The following CCT2 variants were observed in gnomAD, a reference collection of about 807,000 sequenced individuals.
CCT2 encodes T-complex protein 1 subunit beta.
A neutral mutation model predicts 61.8 loss-of-function variants in CCT2; 18 were observed. That is an observed-to-expected ratio of 0.29 (90% CI 0.20 to 0.43). The LOEUF is 0.43. Among genes scored for constraint, CCT2 ranks in the 20% least tolerant of loss-of-function variants. The probability of loss-of-function intolerance (pLI) is 1.00; values close to 1 mark genes in which losing one functional copy is unlikely to be tolerated. For missense variants in CCT2, 556 were observed against 656.9 expected (o/e 0.85, Z 1.68); for synonymous variants, 248 against 215.9 (o/e 1.15, Z -1.30).
intron 8 of CCT2, 39 bp from the exon 9 acceptor site, chr12:69,592,937 A>T: frequency 6.3e-7 from 1 of 1,595,356 alleles, no homozygotes; most frequent in South Asian, 1.1e-5. Flanking sequence ...CAAAAAAAAT[A>T]ATGAAACTGA....
chr12:69,593,534 A>G lies in CCT2; in HGVS notation c.903A>G (p.Glu301=), dbSNP rs148760765. 6.2e-6 allele frequency: 10 copies of G among 1,611,780 alleles called. No homozygotes were observed. The African/African-American group carries it at 1.3e-4, about 22-fold the overall frequency. Residue 301 remains glutamate, a synonymous_variant, in exon 10 of 16, where the codon GAA becomes GAG. Transcript: ENST00000299300. ...INRQLIYNYP[E]QLFGAAGVMA... is the part of the protein sequence containing the mutation. ...GGCAATTAATTTATAATTATCCTGAACAGCTCTTTGGTGCTGCTGGTGTCA... is the reference window on the plus strand; with the variant it reads ...GGCAATTAATTTATAATTATCCTGAGCAGCTCTTTGGTGCTGCTGGTGTCA...
intron 10 of CCT2, among the ~76,000 whole-genome samples, chr12:69,595,477 C>T (rs1053615442): frequency 6.6e-6 from 1 of 152,058 alleles, no homozygotes; most frequent in African/African-American, 2.4e-5. Context: ...ATCACAAGGT[C>T]TGGAGTTTGA....
intron 6 of CCT2, 101 bp downstream of exon 6, chr12:69,588,363 C>A: frequency 2.5e-6 from 2 of 808,900 alleles, no homozygotes; most frequent in East Asian, 2.7e-5. Flanking sequence ...ACACAAAGAT[C>A]ATCTTGCTGC....
chr12:69,591,659 GT>G (rs1180378269), intron 7 of CCT2, among the ~76,000 whole-genome samples: 1 of 152,076 alleles, frequency 6.6e-6, no homozygotes, highest in Non-Finnish European at 1.5e-5. Flanking sequence ...TATATTTTCT[GT>G]TTCATATTTT....
intron 10 of CCT2, among the ~76,000 whole-genome samples, chr12:69,595,148 T>C (rs917608908): frequency 6.6e-6 from 1 of 152,124 alleles, no homozygotes; most frequent in Admixed American, 6.5e-5. Flanking sequence ...GAAGAAATTA[T>C]AGTGTACTAA....
In CCT2 at chr12:69,586,333, A is replaced by T; in HGVS notation, c.67A>T (p.Thr23Ser). The change falls in exon 2 of 16, where the codon ACA becomes TCA. Residue 23 changes from threonine (T) to serine (S), a missense_variant. By Grantham distance (58) the Thr-to-Ser change is moderately conservative. Transcript: ENST00000299300. ...KAGADEERAE[T>S]ARLTSFIGAI... Reference sequence around the variant, plus strand: ...AGGAGCTGATGAAGAGAGAGCAGAGACAGCTCGTCTGGTAAGCCTTGTTCT... The same window carrying T: ...AGGAGCTGATGAAGAGAGAGCAGAGTCAGCTCGTCTGGTAAGCCTTGTTCT... 1 of 1,610,604 alleles carries T rather than the reference A, an allele frequency of 6.2e-7. No individual in the cohort carries two copies. The highest frequency in any genetic ancestry group is 8.5e-7 in the Non-Finnish European group (1 of 1,176,838).
intron 6 of CCT2, 63 bp downstream of exon 6, chr12:69,588,325 A>C: frequency 8.4e-7 from 1 of 1,187,016 alleles, no homozygotes; most frequent in Non-Finnish European, 1.3e-6. Context: ...TGCTTAATGC[A>C]AGAAATCTAT....
Position 69,601,323 on chromosome 12 carries a change from TA to T in CCT2, c.1608del (p.Ter536=). The T allele has an allele frequency of 1.2e-6, 2 of 1,612,574 alleles. No homozygotes were observed. Among genetic ancestry groups the T allele is most frequent in the Non-Finnish European group, 1.7e-6 (2 of 1,179,578 alleles). The stretch of plus-strand genomic sequence containing the variant: ...ACGTGTCCCTGATCACCACCCCTGT[TA>T]AGCATTCCCACGTGCTGTCGATCTT... ...RKRVPDHHPC* is the reference protein window; with the variant it reads ...RKRVPDHHPCX On this transcript the variant is annotated frameshift_variant and stop_lost, in exon 16 of 16. Transcript: ENST00000299300. LOFTEE classifies it high-confidence loss of function.
rs1311050452 is a variant in CCT2, at chr12:69,600,020, T to C, written c.1577+16T>C. 3 of 1,585,904 alleles carry C rather than the reference T, an allele frequency of 1.9e-6. No homozygotes were observed. The highest frequency in any genetic ancestry group is 2.6e-6 in the Non-Finnish European group (3 of 1,168,962). On this transcript the variant is annotated intron_variant, in intron 15 of 15. Transcript: ENST00000299300. ...CGGCACCCAGGTACCCTAACACTTT[T>C]CTCAGAAAAAATTACTAACAGCAAA...
chr12:69,598,475 A>C, intron 14 of CCT2, 54 bp downstream of exon 14: 1 of 1,134,970 alleles, frequency 8.8e-7, no homozygotes, highest in South Asian at 1.6e-5. Context: ...TCTTTTCACT[A>C]AGCTTTTTTT....
intron 14 of CCT2, 46 bp downstream of exon 14, chr12:69,598,467 T>G: frequency 8.4e-7 from 1 of 1,195,918 alleles, no homozygotes; most frequent in Non-Finnish European, 1.2e-6. Context: ...AAAGTAACTC[T>G]TTTCACTAAG....
chr12:69,585,557 C>G (rs1881619887), intron 1 of CCT2, 33 bp downstream of exon 1: 1 of 1,566,744 alleles, frequency 6.4e-7, no homozygotes, highest in East Asian at 2.4e-5. Context: ...TTGCCCTACC[C>G]CTGCTCCGCC....
Position 69,589,279 on chromosome 12 carries a change from C to G in CCT2, c.447-206C>G, listed in dbSNP as rs967436382. On this transcript the variant is annotated intron_variant, in intron 6 of 15. Coordinates refer to ENST00000299300, the MANE Select transcript of CCT2 (RefSeq NM_006431.3). ...TTTGCATGCTTGTGTGGCCCCCACC[C>G]CTCTTTTTTTTTTGGCATTTTGCCA... is the stretch of plus-strand genomic sequence containing the variant. 5.8e-6 allele frequency: 3 copies of G among 516,004 alleles called. No individual in the cohort carries two copies. The African/African-American group carries it at 1.2e-4, about 20-fold the overall frequency. 32.0% of individuals were successfully genotyped at this position (516,004 alleles called of 1,614,324 possible).
chr12:69,587,404 CAG>C, intron 3 of CCT2, 99 bp from the exon 4 acceptor site: 1 of 656,696 alleles, frequency 1.5e-6, no homozygotes, highest in Admixed American at 2.8e-5. Flanking sequence ...AATAGCTATC[CAG>C]AGTGTTTATA....
chr12:69,599,840 A>G (rs1321491199), intron 14 of CCT2, 23 bp from the exon 15 acceptor site: 1 of 1,587,388 alleles, frequency 6.3e-7, no homozygotes, highest in Admixed American at 1.8e-5. Context: ...ACTGCTTTTT[A>G]GTAAATTTGT....
chr12:69,591,909 A>T, intron 7 of CCT2, 150 bp from the exon 8 acceptor site: 1 of 491,822 alleles, frequency 2.0e-6, no homozygotes, highest in Non-Finnish European at 3.7e-6. Context: ...AGGTTGGACA[A>T]GCTTGCTTTT....
chr12:69,597,246 A>G lies in CCT2; in HGVS notation c.1073A>G (p.Lys358Arg). 2 of 1,614,022 alleles carry G rather than the reference A, an allele frequency of 1.2e-6. No individual in the cohort carries two copies. Among genetic ancestry groups the G allele is most frequent in the Non-Finnish European group, 1.7e-6 (2 of 1,179,910 alleles). The part of the protein sequence containing the change: ...LIEEVMIGED[K>R]LIHFSGVALG... ...GAGGAAGTCATGATTGGAGAAGACA[A>G]ACTCATTCACTTTTCTGGGGTTGCC... Residue 358 changes from lysine to arginine, a missense_variant, in exon 11 of 16, where the codon AAA (lysine) becomes AGA (arginine). By Grantham distance (26) the Lys-to-Arg change is conservative (BLOSUM62 2). This residue lies in a region of CCT2 where 225 missense variants were observed against 249.8 expected (regional missense o/e 0.90). Coordinates refer to ENST00000299300, the MANE Select transcript of CCT2 (RefSeq NM_006431.3).
Position 69,588,145 on chromosome 12 carries a change from A to G in CCT2, c.334-5A>G. 6.2e-7 allele frequency: 1 copy of G among 1,608,738 alleles called. No homozygotes were observed. The highest frequency in any genetic ancestry group is 1.7e-5 in the Admixed American group (1 of 59,872). The stretch of plus-strand genomic sequence containing the variant: ...ATAACTTTTGTTTTATAACTTTATT[A>G]ATAGGAAGCAGAATCTTTAATTGCA... On this transcript the variant is annotated splice_region_variant and splice_polypyrimidine_tract_variant and intron_variant, in intron 5 of 15. Transcript: ENST00000299300.
At chr12:69,591,329 C>T (rs901754375) in intron 7 of CCT2, among the ~76,000 whole-genome samples, 3 of 152,326 alleles carry the variant, frequency 2.0e-5, no homozygotes, top group African/African-American at 4.8e-5. Flanking sequence ...TAACTAGCAC[C>T]TCTGCTACTG....
Sources: allele counts gnomAD v4.1 joint callset (sites outside exome capture counted in the v4.1 genomes callset), GRCh38; gene constraint gnomAD v4.1.1; regional missense constraint gnomAD v4.1.1; transcripts MANE v1.5; gene names NCBI Gene and HGNC (gene_info 2026-07-23, HGNC 2026-07-21).